The following TMEM120B variants were observed in gnomAD, a reference collection of about 807,000 sequenced individuals.
TMEM120B encodes transmembrane protein 120B.
TMEM120B carries 31 observed loss-of-function variants against 55.5 expected under a neutral mutation model. That is an observed-to-expected ratio of 0.56 (90% CI 0.42 to 0.75). The LOEUF is 0.75. Ranked by LOEUF, TMEM120B falls within the 30% of genes least tolerant of loss-of-function variation. TMEM120B has a pLI of 0.00. For synonymous variants in TMEM120B, 203 were observed against 176.3 expected, an observed-to-expected ratio of 1.15 and a Z score of -1.20; for missense variants, 399 against 425.5, an observed-to-expected ratio of 0.94 and a Z score of 0.55.
intron 1 of TMEM120B, among the ~76,000 whole-genome samples, chr12:121,735,109 C>T (rs1201747523): frequency 6.7e-6 from 1 of 150,072 alleles, no homozygotes; most frequent in East Asian, 2.0e-4. Flanking sequence ...TCACTTGAAC[C>T]CAGGAGGCAG....
chr12:121,723,344 C>T (rs1026680929), intron 1 of TMEM120B, among the ~76,000 whole-genome samples: 6 of 151,958 alleles, frequency 3.9e-5, no homozygotes, highest in Admixed American at 1.3e-4. Flanking sequence ...ATGTTCTAAT[C>T]TTCTGCAGAG....
chr12:121,742,684 C>G (rs1054255419), intron 1 of TMEM120B, among the ~76,000 whole-genome samples: 1 of 143,156 alleles, frequency 7.0e-6, no homozygotes, highest in Non-Finnish European at 1.6e-5. Context: ...CCCCTGGGTT[C>G]AAGTGATTCT....
At chr12:121,760,476 C>A (rs1873641001) in intron 5 of TMEM120B, among the ~76,000 whole-genome samples, 1 of 152,270 alleles carries the variant, frequency 6.6e-6, no homozygotes, top group African/African-American at 2.4e-5. Flanking sequence ...GGCCTGCGAG[C>A]TGGGAGGGGC....
intron 9 of TMEM120B, 135 bp from the exon 10 acceptor site, chr12:121,774,523 G>A: frequency 2.6e-6 from 2 of 777,618 alleles, no homozygotes; most frequent in Admixed American, 2.6e-5. Flanking sequence ...TGACAGGTGA[G>A]GGCTGACCCC....
chr12:121,724,534 C>CT (rs147576986), intron 1 of TMEM120B, among the ~76,000 whole-genome samples: 1,505 of 146,506 alleles, frequency 0.01, 26 homozygotes, highest in African/African-American at 0.036. Flanking sequence ...GATGTTATGT[C>CT]TTTTTTTTTT....
At chr12:121,719,013 G>A (rs1894748818) in intron 1 of TMEM120B, among the ~76,000 whole-genome samples, 1 of 152,168 alleles carries the variant, frequency 6.6e-6, no homozygotes, top group Admixed American at 6.6e-5. Context: ...GGCAGAAACA[G>A]AGCATCCTTT....
At chr12:121,734,868 G>C (rs2137071199) in intron 1 of TMEM120B, among the ~76,000 whole-genome samples, 1 of 151,680 alleles carries the variant, frequency 6.6e-6, no homozygotes, top group South Asian at 2.1e-4. Flanking sequence ...AGCTGAGATA[G>C]TGCCATTGCA....
Position 121,780,852 on chromosome 12 carries a change from G to A in TMEM120B, c.*5130G>A, listed in dbSNP as rs1220285589. On this transcript the variant is annotated 3_prime_UTR_variant, in exon 12 of 12. Coordinates refer to ENST00000449592, the MANE Select transcript of TMEM120B (RefSeq NM_001080825.2). ...GCTTCACAGCCACGGCTGTGCCCCA[G>A]GGTCTTGGCCCCGGCCCACCTGCAT... 2 of 1,607,766 alleles carry A rather than the reference G, an allele frequency of 1.2e-6. No individual in the cohort carries two copies. Among genetic ancestry groups the A allele is most frequent in the Non-Finnish European group, 8.5e-7 (1 of 1,177,376 alleles).
chr12:121,739,015 C>T (rs1057282074), intron 1 of TMEM120B, among the ~76,000 whole-genome samples: 18 of 151,866 alleles, frequency 1.2e-4, no homozygotes, highest in African/African-American at 2.7e-4. Flanking sequence ...GGTGAAACCC[C>T]GTCCATCTCT....
chr12:121,730,813 C>T (rs1022683348), intron 1 of TMEM120B, among the ~76,000 whole-genome samples: 54 of 151,626 alleles, frequency 3.6e-4, no homozygotes, highest in African/African-American at 1.3e-3. Context: ...CAAAAATTAG[C>T]TGGGCATGGT....
rs573300672 is a variant in TMEM120B at position 121,766,251 on chromosome 12, G to A, written c.551+4513G>A. On this transcript the variant is annotated intron_variant, in intron 6 of 11. Transcript: ENST00000449592. ...AGATATGAAGCCACCCTCGGTTTGT[G>A]TCTGGTGCCTGCCAAGTGAGATGCC... Among the ~76,000 whole-genome samples, 13 of 152,270 alleles carry A rather than the reference G, an allele frequency of 8.5e-5. No individual in the cohort carries two copies. In the South Asian group the frequency reaches 2.7e-3, roughly 32 times the overall value.
In TMEM120B at chr12:121,775,811, C is replaced by T. The variant is rs774466663; in HGVS notation, c.*89C>T. On this transcript the variant is annotated 3_prime_UTR_variant, in exon 12 of 12. Transcript: ENST00000449592. The surrounding 1 kb of genome is among the most constrained non-coding windows in gnomAD (Gnocchi z 4.3). Reference sequence around the variant, plus strand: ...AGCAGCCCTCTCAGGCCCGTGGCATCGCTGGGAGAGGGCCCAGGCCCTGGT... The same window carrying T: ...AGCAGCCCTCTCAGGCCCGTGGCATTGCTGGGAGAGGGCCCAGGCCCTGGT... 17 of 1,423,212 alleles carry T rather than the reference C, an allele frequency of 1.2e-5. No individual in the cohort carries two copies. Among genetic ancestry groups the T allele is most frequent in the Admixed American group, 7.5e-5 (4 of 53,560 alleles). 88.2% of individuals were successfully genotyped at this position (1,423,212 alleles called of 1,614,324 possible). A position where few individuals can be genotyped will look rare whatever the true frequency, so the allele number is the denominator to read the frequency against.
At chr12:121,721,146 G>A (rs929161291) in intron 1 of TMEM120B, among the ~76,000 whole-genome samples, 4 of 152,188 alleles carry the variant, frequency 2.6e-5, no homozygotes, top group African/African-American at 9.7e-5. Flanking sequence ...CTCTGGGCAT[G>A]ACAGCTCACA....
intron 1 of TMEM120B, 55 bp downstream of exon 1, chr12:121,713,019 C>T (rs1482875616): frequency 3.5e-6 from 5 of 1,425,966 alleles, no homozygotes; most frequent in Non-Finnish European, 3.7e-6. Flanking sequence ...CAGCGCCTTG[C>T]CCTTCCTGAG....
intron 1 of TMEM120B, among the ~76,000 whole-genome samples, chr12:121,716,714 C>T (rs1894710222): frequency 6.6e-6 from 1 of 151,942 alleles, no homozygotes; most frequent in South Asian, 2.1e-4. Context: ...AGGCACCCGC[C>T]ACCGTGCCCG....
At chr12:121,761,792 C>G in intron 6 of TMEM120B, 54 bp downstream of exon 6, 1 of 1,449,732 alleles carries the variant, frequency 6.9e-7, no homozygotes, top group South Asian at 1.1e-5. Flanking sequence ...AGGGAAATGT[C>G]ACGAGGGGCG....
In TMEM120B at chr12:121,726,907, C is replaced by CAAAA. The variant is rs71305665; in HGVS notation, c.69+13969_69+13972dup. Among the ~76,000 whole-genome samples the CAAAA allele has an allele frequency of 1.6e-3, 115 of 73,692 alleles. 8 individuals carry two copies. The highest frequency in any genetic ancestry group is 4.9e-3 in the African/African-American group (109 of 22,388). 48.3% of individuals were successfully genotyped at this position (73,692 alleles called of 152,430 possible). A position where few individuals can be genotyped will look rare whatever the true frequency, so the allele number is the denominator to read the frequency against. ...TGGGCAACAGAGTGGGACTCTGTCT[C>CAAAA]AAAAAAAAAAAAAAAAAAAAAAAAA... On this transcript the variant is annotated intron_variant, in intron 1 of 11. Transcript: ENST00000449592.
intron 6 of TMEM120B, among the ~76,000 whole-genome samples, chr12:121,769,131 G>T (rs1873941899): frequency 7.3e-6 from 1 of 137,462 alleles, no homozygotes; most frequent in Non-Finnish European, 1.5e-5. Context: ...GGGCAATAGA[G>T]CAAGACTGTC....
rs1053350841 is a variant in TMEM120B at position 121,715,705 on chromosome 12, C to T, written c.69+2741C>T. ...TCAGGGGCCAGTCAGGGATGGCTCC[C>T]GGTGTCAAGATCATAGATCGGAGCA... On this transcript the variant is annotated intron_variant, in intron 1 of 11. Transcript: ENST00000449592. 5.3e-5 allele frequency among the ~76,000 whole-genome samples: 8 copies of T among 151,916 alleles called. No homozygotes were observed. The East Asian group carries it at 9.7e-4, about 18-fold the overall frequency.
Sources: gnomAD v4.1 joint callset for allele counts (sites outside exome capture counted in the v4.1 genomes callset) on GRCh38, gnomAD v4.1.1 for gene constraint, Gnocchi (gnomAD v3.1) non-coding constraint, MANE v1.5 for transcripts, NCBI Gene and HGNC (gene_info 2026-07-23, HGNC 2026-07-21) for gene names.